The following LRRC61 variants were observed in gnomAD, a reference collection of about 807,000 sequenced individuals.
LRRC61 encodes leucine rich repeat containing 61, also known as leucine-rich repeat-containing protein 61.
LRRC61 carries 9 observed loss-of-function variants against 15.1 expected under a neutral mutation model. The ratio of observed to expected loss-of-function variants is 0.60; its 90% CI spans 0.36 to 1.04. The LOEUF (loss-of-function observed/expected upper bound fraction) is 1.04. Ranked by LOEUF, LRRC61 falls within the 50% of genes least tolerant of loss-of-function variation. LRRC61 has a pLI of 0.01. For missense variants in LRRC61, 344 were observed against 335.6 expected (o/e 1.03, Z -0.20); for synonymous variants, 173 against 158.6 (o/e 1.09, Z -0.68).
At chr7:150,322,871 G>T (rs1328374803), upstream of LRRC61, 2 of 152,344 alleles carry the variant, frequency 1.3e-5, no homozygotes, top group Admixed American at 1.3e-4. Context: ...CCGACCGATA[G>T]ATGAGCCTTC....
the LRRC61 span, among the ~76,000 whole-genome samples, chr7:150,315,061 T>G: frequency 6.8e-6 from 1 of 147,362 alleles, no homozygotes; most frequent in Non-Finnish European, 1.5e-5. Flanking sequence ...TATTATTTTA[T>G]TATTAAATAA....
At chr7:150,334,523 A>G (rs895909047) in intron 2 of LRRC61, among the ~76,000 whole-genome samples, 19 of 152,164 alleles carry the variant, frequency 1.2e-4, no homozygotes, top group African/African-American at 4.6e-4. Context: ...AGAGCTCTGT[A>G]TCCCCAGCAT....
chr7:150,316,483 ATTTTTT>A, the LRRC61 span, among the ~76,000 whole-genome samples: 2,635 of 80,658 alleles, frequency 0.033, 54 homozygotes, highest in African/African-American at 0.099. Context: ...GAATCTGGTT[ATTTTTT>A]TTTTTTTTTT....
chr7:150,333,600 A>G lies in LRRC61; in HGVS notation c.-144-3118A>G, dbSNP rs1229084420. Among the ~76,000 whole-genome samples, 2 of 152,174 alleles carry G rather than the reference A, an allele frequency of 1.3e-5. No homozygotes were observed. On this transcript the variant is annotated intron_variant, in intron 2 of 2. Transcript: ENST00000359623. The surrounding 1 kb of genome is among the most constrained non-coding windows in gnomAD (Gnocchi z 4.3). ...AAGACACTCACCAACGCCTGGGACC[A>G]TCTTCCCTGGTTCTCAGTCAGCCTC...
At chr7:150,321,147 T>C (rs1797468344), upstream of LRRC61, among the ~76,000 whole-genome samples, 1 of 152,176 alleles carries the variant, frequency 6.6e-6, no homozygotes, top group African/African-American at 2.4e-5. Flanking sequence ...AAAATCTCCC[T>C]AACCTTTATG....
Position 150,333,782 on chromosome 7 carries a change from C to T in LRRC61, c.-144-2936C>T, listed in dbSNP as rs1039170460. On this transcript the variant is annotated intron_variant, in intron 2 of 2. Transcript: ENST00000359623. The surrounding 1 kb of genome is among the most constrained non-coding windows in gnomAD (Gnocchi z 4.3). ...AGGTGGACGTGCGGGAAGCCATCCTCCTTGTGTCTGCGGGCAGCCTGATGG... is the reference window on the plus strand; with the variant it reads ...AGGTGGACGTGCGGGAAGCCATCCTTCTTGTGTCTGCGGGCAGCCTGATGG... 2.6e-5 allele frequency among the ~76,000 whole-genome samples: 4 copies of T among 152,210 alleles called. No individual in the cohort carries two copies. The highest frequency in any genetic ancestry group is 9.6e-5 in the African/African-American group (4 of 41,460).
the LRRC61 span, among the ~76,000 whole-genome samples, chr7:150,315,082 ATTAT>A: frequency 6.8e-6 from 1 of 147,242 alleles, no homozygotes; most frequent in African/African-American, 2.5e-5. Flanking sequence ...GAAAATATTT[ATTAT>A]TTATTATATT....
Position 150,338,133 on chromosome 7 carries a change from T to G in LRRC61, c.*492T>G. 1.4e-6 allele frequency: 1 copy of G among 703,566 alleles called. No homozygotes were observed. The highest frequency in any genetic ancestry group is 1.8e-5 in the South Asian group (1 of 56,286). 43.6% of individuals were successfully genotyped at this position (703,566 alleles called of 1,614,324 possible). A position where few individuals can be genotyped will look rare whatever the true frequency, so the allele number is the denominator to read the frequency against. The stretch of plus-strand genomic sequence containing the variant: ...TGCCCGTTCTTGTCCACACATCTAT[T>G]AAATGCTTCTGTTTTCATTTGCATC... On this transcript the variant is annotated 3_prime_UTR_variant, in exon 3 of 3. Coordinates refer to ENST00000359623, the MANE Select transcript of LRRC61 (RefSeq NM_001142928.2).
In LRRC61 at chr7:150,333,914, C is replaced by A. The variant is rs1798196070; in HGVS notation, c.-144-2804C>A. On this transcript the variant is annotated intron_variant, in intron 2 of 2. Coordinates refer to ENST00000359623, the MANE Select transcript of LRRC61 (RefSeq NM_001142928.2). The surrounding 1 kb of genome is among the most constrained non-coding windows in gnomAD (Gnocchi z 4.3). Reference sequence around the variant, plus strand: ...AGAAACACAGCAGAGGTCACTGACCCCCAAGAGAATGAGGGTTATGCACGA... The same window carrying A: ...AGAAACACAGCAGAGGTCACTGACCACCAAGAGAATGAGGGTTATGCACGA... The A allele has an allele frequency of 2.0e-6, 2 of 985,300 alleles. No individual in the cohort carries two copies. Among genetic ancestry groups the A allele is most frequent in the Non-Finnish European group, 2.4e-6 (2 of 829,912 alleles). 61.0% of individuals were successfully genotyped at this position (985,300 alleles called of 1,614,324 possible). A position where few individuals can be genotyped will look rare whatever the true frequency, so the allele number is the denominator to read the frequency against.
At position 150,336,946 on chromosome 7, in the gene LRRC61, T is replaced by A; in HGVS notation, c.85T>A (p.Ser29Thr). ...GCTGAAGTCACGCACAGGCGAGTTC[T>A]CCCTGGAGTCCATCCTGCTACTGAA... ...QLLKSRTGEFSLESILLLKLR... is the reference protein window; with the variant it reads ...QLLKSRTGEFTLESILLLKLR... The change falls in exon 3 of 3, where the codon TCC becomes ACC. Residue 29 changes from serine (S) to threonine (T), a missense_variant. Physicochemically the swap from Ser to Thr is moderately conservative, Grantham distance 58. Transcript: ENST00000359623. 1 of 1,613,918 alleles carries A rather than the reference T, an allele frequency of 6.2e-7. No individual in the cohort carries two copies. The highest frequency in any genetic ancestry group is 2.2e-5 in the East Asian group (1 of 44,890).
In LRRC61 at chr7:150,337,306, G is replaced by A; in HGVS notation, c.445G>A (p.Ala149Thr). The change falls in exon 3 of 3, where the codon GCA becomes ACA. Residue 149 changes from alanine to threonine, a missense_variant. Transcript: ENST00000359623. ...CTGTGCCAACCCCTCCTACTGGGCTGCAGTCCGGGAGCTGCTGCCTGGCCT... is the reference window on the plus strand; with the variant it reads ...CTGTGCCAACCCCTCCTACTGGGCTACAGTCCGGGAGCTGCTGCCTGGCCT... ...PLCANPSYWA[A>T]VRELLPGLKV... 1.2e-6 allele frequency: 2 copies of A among 1,603,632 alleles called. No homozygotes were observed. Among genetic ancestry groups the A allele is most frequent in the South Asian group, 1.1e-5 (1 of 91,076 alleles).
chr7:150,336,978 T>G lies in LRRC61; in HGVS notation c.117T>G (p.Arg39=). Residue 39 remains arginine (R), a synonymous_variant, in exon 3 of 3, where the codon CGT becomes CGG. Coordinates refer to ENST00000359623, the MANE Select transcript of LRRC61 (RefSeq NM_001142928.2). ...AGTCCATCCTGCTACTGAAGCTGCG[T>G]GGCTTGGGACTGGCTGACCTGGGCT... The part of the protein sequence containing the change: ...SLESILLLKL[R]GLGLADLGCL... 6.2e-7 allele frequency: 1 copy of G among 1,613,984 alleles called. No homozygotes were observed. The highest frequency in any genetic ancestry group is 1.3e-5 in the African/African-American group (1 of 75,074).
rs2129618124 is a variant in LRRC61, at chr7:150,325,856, A to G, written c.-299A>G. On this transcript the variant is annotated 5_prime_UTR_variant, in exon 2 of 3. Transcript: ENST00000359623. ...TACGTTTTAGATTCATTTGGATTCA[A>G]GGTTGGCTCTCAACAGTGCCAGCTG... 6.5e-6 allele frequency: 1 copy of G among 152,800 alleles called. No homozygotes were observed. Among genetic ancestry groups the G allele is most frequent in the East Asian group, 1.9e-4 (1 of 5,188 alleles). 9.5% of individuals were successfully genotyped at this position (152,800 alleles called of 1,614,324 possible).
chr7:150,329,335 T>A (rs1798034576), intron 2 of LRRC61, among the ~76,000 whole-genome samples: 1 of 152,324 alleles, frequency 6.6e-6, no homozygotes. Context: ...AAAGCTAAGA[T>A]GCACGGACGT....
At chr7:150,326,034 G>A (rs1444355063) in intron 2 of LRRC61, 24 bp downstream of exon 2, 1 of 152,456 alleles carries the variant, frequency 6.6e-6, no homozygotes, top group Non-Finnish European at 1.5e-5. Context: ...TGCAAGACGG[G>A]TCTAAGCTCT....
At chr7:150,325,385 C>A (rs1797931626) in intron 1 of LRRC61, among the ~76,000 whole-genome samples, 1 of 152,238 alleles carries the variant, frequency 6.6e-6, no homozygotes, top group African/African-American at 2.4e-5. Flanking sequence ...AAAGGCCGTG[C>A]TTCAGCTTAG....
At chr7:150,310,200 C>G in the LRRC61 span, among the ~76,000 whole-genome samples, 1 of 152,126 alleles carries the variant, frequency 6.6e-6, no homozygotes, top group Non-Finnish European at 1.5e-5. Flanking sequence ...CAATTCAAGG[C>G]CTCTTTCACA....
chr7:150,324,621 C>A (rs1797879983), intron 1 of LRRC61, among the ~76,000 whole-genome samples: 1 of 152,184 alleles, frequency 6.6e-6, no homozygotes, highest in Non-Finnish European at 1.5e-5. Flanking sequence ...TTGCCTGCTA[C>A]CAGACCCATC....
intron 2 of LRRC61, among the ~76,000 whole-genome samples, chr7:150,328,480 T>C (rs1798011700): frequency 6.6e-6 from 1 of 152,150 alleles, no homozygotes; most frequent in Admixed American, 6.5e-5. Flanking sequence ...TCCAGACAGA[T>C]ACAGGAACTA....
Sources: allele counts gnomAD v4.1 joint callset (sites outside exome capture counted in the v4.1 genomes callset), GRCh38; gene constraint gnomAD v4.1.1; non-coding constraint Gnocchi (gnomAD v3.1); transcripts MANE v1.5; gene names NCBI Gene and HGNC (gene_info 2026-07-23, HGNC 2026-07-21).